Variants in ASPM observed in about 807,000 individuals in gnomAD.
ASPM encodes assembly factor for spindle microtubules.
In ASPM, 256 loss-of-function variants were observed where a neutral mutation model predicts 366.4. The ratio of observed to expected loss-of-function variants is 0.70; its 90% CI spans 0.63 to 0.77. The LOEUF is 0.77. Among genes scored for constraint, ASPM ranks in the 30% least tolerant of loss-of-function variants. The pLI is 0.00. For missense variants in ASPM, 4,146 were observed against 4,090.4 expected (o/e 1.01, Z -0.37); for synonymous variants, 1,414 against 1,342.9 (o/e 1.05, Z -1.16).
chr1:197,129,402 T>C, intron 8 of ASPM, 85 bp from the exon 9 acceptor site: 2 of 1,455,844 alleles, frequency 1.4e-6, no homozygotes, highest in Non-Finnish European at 1.9e-6. Context: ...AATAATAAGG[T>C]GTTAGTAAAA....
At chr1:197,110,228 G>C (rs890078292) in intron 17 of ASPM, among the ~76,000 whole-genome samples, 3 of 152,060 alleles carry the variant, frequency 2.0e-5, no homozygotes, top group Non-Finnish European at 4.4e-5. Flanking sequence ...ATAGACACAT[G>C]TATTAATGAA....
In ASPM at chr1:197,093,248, G is replaced by A; in HGVS notation, c.9098C>T (p.Ala3033Val). The A allele has an allele frequency of 6.2e-7, 1 of 1,611,852 alleles. No individual in the cohort carries two copies. The highest frequency in any genetic ancestry group is 2.2e-5 in the East Asian group (1 of 44,826). ...HFLMIKRHRAACLIQAHYRGY... is the reference protein window; with the variant it reads ...HFLMIKRHRAVCLIQAHYRGY... Reference sequence around the variant, plus strand: ...TCTATAATGTGCTTGGATCAAACAAGCAGCTCGATGTCTCTATAAGGAAAA... The same window carrying A: ...TCTATAATGTGCTTGGATCAAACAAACAGCTCGATGTCTCTATAAGGAAAA... The change falls in exon 21 of 28, where the codon GCT (alanine) becomes GTT (valine). Residue 3033 changes from alanine (A) to valine (V), a missense_variant. Coordinates refer to ENST00000367409, the MANE Select transcript of ASPM (RefSeq NM_018136.5).
intron 27 of ASPM, 82 bp downstream of exon 27, chr1:197,086,721 T>C: frequency 1.7e-6 from 2 of 1,203,356 alleles, no homozygotes; most frequent in South Asian, 2.5e-5. Flanking sequence ...CACATCTTGT[T>C]TATGGTAAGT....
intron 18 of ASPM, among the ~76,000 whole-genome samples, chr1:197,096,464 C>T (rs1656979292): frequency 6.6e-6 from 1 of 151,696 alleles, no homozygotes; most frequent in Non-Finnish European, 1.5e-5. Context: ...CTGAAAAGCC[C>T]CACATTATGT....
intron 25 of ASPM, among the ~76,000 whole-genome samples, chr1:197,088,847 A>G (rs1411724832): frequency 1.3e-5 from 2 of 152,098 alleles, no homozygotes; most frequent in Admixed American, 6.6e-5. Flanking sequence ...TTACTCTATT[A>G]CATGCTCCTT....
intron 4 of ASPM, among the ~76,000 whole-genome samples, chr1:197,137,235 ATTT>A (rs1370783017): frequency 3.9e-5 from 6 of 152,188 alleles, no homozygotes; most frequent in Non-Finnish European, 5.9e-5. Flanking sequence ...AATAATCTAC[ATTT>A]TTAATTTATG....
intron 2 of ASPM, 66 bp from the exon 3 acceptor site, chr1:197,143,876 C>T: frequency 6.4e-7 from 1 of 1,556,514 alleles, no homozygotes; most frequent in Non-Finnish European, 8.8e-7. Context: ...AGCAATATTA[C>T]TTCAAGCCTG....
chr1:197,098,335 T>C (rs1464064497), intron 18 of ASPM, among the ~76,000 whole-genome samples: 1 of 151,600 alleles, frequency 6.6e-6, no homozygotes, highest in Admixed American at 6.6e-5. Context: ...TTGCTTCCCA[T>C]ACCAATTAGA....
At chr1:197,132,257 A>C (rs1427597727) in intron 7 of ASPM, 28 bp downstream of exon 7, 1 of 1,541,142 alleles carries the variant, frequency 6.5e-7, no homozygotes, top group Non-Finnish European at 8.8e-7. Flanking sequence ...AAAAAATATT[A>C]TTTTAGAAAC....
intron 9 of ASPM, 45 bp downstream of exon 9, chr1:197,129,142 G>A (rs199524940): frequency 6.2e-5 from 99 of 1,588,558 alleles, no homozygotes; most frequent in Admixed American, 1.4e-4. Flanking sequence ...AGCAAAAGTC[G>A]TAAATGGGAA....
intron 6 of ASPM, among the ~76,000 whole-genome samples, chr1:197,132,704 TG>T (rs1352884542): frequency 1.3e-5 from 2 of 150,682 alleles, no homozygotes; most frequent in Non-Finnish European, 1.5e-5. Flanking sequence ...ATAAAGAAAA[TG>T]TGGGGTATGT....
Position 197,101,340 on chromosome 1 carries a change from G to A in ASPM, c.7911C>T (p.Ala2637=). 6.2e-7 allele frequency: 1 copy of A among 1,610,886 alleles called. No individual in the cohort carries two copies. Among genetic ancestry groups the A allele is most frequent in the Non-Finnish European group, 8.5e-7 (1 of 1,178,826 alleles). Residue 2637 remains alanine, a synonymous_variant, in exon 18 of 28, where the codon GCC becomes GCT. Coordinates refer to ENST00000367409, the MANE Select transcript of ASPM (RefSeq NM_018136.5). ...GGAGATAATGCTTCCTTATTTTAAA[G>A]GCTTTACAATGCTTCTGAATAATAA... ...AAIIIQKHCK[A]FKIRKHYLHL... is the part of the protein sequence containing the mutation.
At chr1:197,089,890 G>T in intron 25 of ASPM, 40 bp downstream of exon 25, 11 of 1,593,982 alleles carry the variant, frequency 6.9e-6, no homozygotes, top group Non-Finnish European at 9.5e-6. Flanking sequence ...GGGCATATTT[G>T]TTGACCAGTG....
intron 17 of ASPM, among the ~76,000 whole-genome samples, chr1:197,109,539 T>C (rs1328855714): frequency 1.3e-5 from 2 of 152,080 alleles, no homozygotes; most frequent in Non-Finnish European, 2.9e-5. Flanking sequence ...TATATAATAC[T>C]TAATGCGTGA....
chr1:197,089,675 A>G (rs1656711639), intron 25 of ASPM, among the ~76,000 whole-genome samples: 1 of 152,000 alleles, frequency 6.6e-6, no homozygotes, highest in African/African-American at 2.4e-5. Flanking sequence ...TAAGTACTTA[A>G]TAACTTTTAA....
chr1:197,098,035 C>T (rs1657036065), intron 18 of ASPM, among the ~76,000 whole-genome samples: 1 of 149,550 alleles, frequency 6.7e-6, no homozygotes, highest in South Asian at 2.1e-4. Flanking sequence ...CACATCACAC[C>T]TGAAGAACAT....
In ASPM at chr1:197,146,633, A is replaced by G. The variant is rs1222274519; in HGVS notation, c.-196T>C. On this transcript the variant is annotated 5_prime_UTR_variant, in exon 1 of 28. Coordinates refer to ENST00000367409, the MANE Select transcript of ASPM (RefSeq NM_018136.5). ...AACAAGCCCAATAAACTCGCAAATTAAAAAGAGGAGCCAAACAAGTATGGC... is the reference window on the plus strand; with the variant it reads ...AACAAGCCCAATAAACTCGCAAATTGAAAAGAGGAGCCAAACAAGTATGGC... 4.7e-6 allele frequency: 3 copies of G among 637,044 alleles called. No homozygotes were observed. The East Asian group carries it at 8.2e-5, about 17-fold the overall frequency. The allele number at this position is 637,044 out of a possible 1,614,324, so 39.5% of individuals were successfully genotyped here. A position where few individuals can be genotyped will look rare whatever the true frequency, so the allele number is the denominator to read the frequency against.
intron 9 of ASPM, 146 bp from the exon 10 acceptor site, chr1:197,128,811 C>T (rs1362327216): frequency 5.6e-6 from 4 of 718,656 alleles, no homozygotes; most frequent in Non-Finnish European, 8.7e-6. Flanking sequence ...AAACTTCATA[C>T]ATATTTCCAA....
intron 10 of ASPM, among the ~76,000 whole-genome samples, chr1:197,128,113 G>T (rs760602451): frequency 6.6e-6 from 1 of 151,446 alleles, no homozygotes; most frequent in African/African-American, 2.4e-5. Context: ...GCAGTGAGCC[G>T]AGACCTTGCC....
Sources: gnomAD v4.1 joint callset for allele counts (sites outside exome capture counted in the v4.1 genomes callset) on GRCh38, gnomAD v4.1.1 for gene constraint, MANE v1.5 for transcripts, NCBI Gene and HGNC (gene_info 2026-07-23, HGNC 2026-07-21) for gene names.